The following PBX1 variants were observed in gnomAD, a reference collection of about 807,000 sequenced individuals.
PBX1 encodes PBX homeobox 1, also known as pre-B-cell leukemia transcription factor 1.
In PBX1, 6 loss-of-function variants were observed where a neutral mutation model predicts 53.4. The observed-to-expected ratio is 0.11, with a 90% CI of 0.06 to 0.22. The LOEUF is 0.22. Among genes scored for constraint, PBX1 ranks in the 10% least tolerant of loss-of-function variants. The pLI, the probability that PBX1 is intolerant of heterozygous loss-of-function variation, is 1.00. For synonymous variants in PBX1, 204 were observed against 212.3 expected (o/e 0.96, Z 0.34); for missense variants, 251 against 551.4 (o/e 0.46, Z 5.46).
intron 2 of PBX1, among the ~76,000 whole-genome samples, chr1:164,574,706 G>A (rs1276458911): frequency 6.6e-6 from 1 of 152,188 alleles, no homozygotes; most frequent in Non-Finnish European, 1.5e-5. Flanking sequence ...TTATTGCTGG[G>A]TGTGGTGGCT....
At chr1:164,587,869 C>A (rs1252551596) in intron 2 of PBX1, among the ~76,000 whole-genome samples, 1 of 152,190 alleles carries the variant, frequency 6.6e-6, no homozygotes, top group Admixed American at 6.5e-5. Flanking sequence ...CTCCCTGATC[C>A]TCCTTCTCAT....
intron 2 of PBX1, among the ~76,000 whole-genome samples, chr1:164,730,563 A>G (rs978297427): frequency 6.6e-6 from 1 of 152,018 alleles, no homozygotes; most frequent in Non-Finnish European, 1.5e-5. Flanking sequence ...AAGGTTCCAT[A>G]CTCCAGTCCC....
chr1:164,620,975 G>T (rs2792255), intron 2 of PBX1, among the ~76,000 whole-genome samples: 1 of 151,336 alleles, frequency 6.6e-6, no homozygotes, highest in South Asian at 2.1e-4. Context: ...GAGCCACTGC[G>T]CCCGGCATTA....
chr1:164,869,310 G>C (rs1376707690), intron 2 of PBX1, among the ~76,000 whole-genome samples: 1 of 152,174 alleles, frequency 6.6e-6, no homozygotes, highest in East Asian at 1.9e-4. Context: ...AGATCCATCT[G>C]CCTGTTTCTG....
At position 164,848,834 on chromosome 1, in the gene PBX1, G is replaced by C; in HGVS notation, c.*2158G>C. The C allele has an allele frequency of 9.4e-7, 1 of 1,064,526 alleles. No homozygotes were observed. Among genetic ancestry groups the C allele is most frequent in the Non-Finnish European group, 1.1e-6 (1 of 878,902 alleles). The allele number at this position is 1,064,526 out of a possible 1,614,324, so 65.9% of individuals were successfully genotyped here. On this transcript the variant is annotated 3_prime_UTR_variant, in exon 9 of 9. Transcript: ENST00000420696. ...TACAGTCATAAATAGAAAACACTGTGTGTGCTCAGGGGAGCAGGGGATGCC... is the reference window on the plus strand; with the variant it reads ...TACAGTCATAAATAGAAAACACTGTCTGTGCTCAGGGGAGCAGGGGATGCC...
chr1:164,692,351 T>C (rs137933355), intron 2 of PBX1, among the ~76,000 whole-genome samples: 1 of 152,166 alleles, frequency 6.6e-6, no homozygotes, highest in African/African-American at 2.4e-5. Context: ...ACTCAGCCCA[T>C]TGCCTTGAGT....
intron 2 of PBX1, among the ~76,000 whole-genome samples, chr1:164,709,719 G>A (rs1663643809): frequency 6.6e-6 from 1 of 152,168 alleles, no homozygotes; most frequent in Admixed American, 6.5e-5. Flanking sequence ...ATGAAAAAAA[G>A]AATTAAAACA....
chr1:164,620,872 AG>A (rs1657626724), intron 2 of PBX1, among the ~76,000 whole-genome samples: 1 of 151,914 alleles, frequency 6.6e-6, no homozygotes, highest in African/African-American at 2.4e-5. Context: ...GATTAGAAAC[AG>A]GGTTTCACTG....
chr1:164,614,106 A>C (rs1355766010), intron 2 of PBX1, among the ~76,000 whole-genome samples: 1 of 152,142 alleles, frequency 6.6e-6, no homozygotes, highest in Non-Finnish European at 1.5e-5. Flanking sequence ...GCCCAGAATC[A>C]CTCGGGAGGC....
At chr1:164,707,197 C>T (rs894434063) in intron 2 of PBX1, among the ~76,000 whole-genome samples, 5 of 152,140 alleles carry the variant, frequency 3.3e-5, no homozygotes, top group African/African-American at 4.8e-5. Context: ...TGGGAGGGAG[C>T]GTCTGTGACA....
intron 2 of PBX1, among the ~76,000 whole-genome samples, chr1:164,689,429 T>G (rs1332781721): frequency 2.0e-5 from 3 of 152,156 alleles, no homozygotes; most frequent in African/African-American, 7.2e-5. Flanking sequence ...TCCAAAGATA[T>G]TGATGAGCAT....
At chr1:164,830,230 T>A (rs1670686157) in intron 8 of PBX1, among the ~76,000 whole-genome samples, 1 of 152,198 alleles carries the variant, frequency 6.6e-6, no homozygotes, top group Non-Finnish European at 1.5e-5. Context: ...AATAATTTAC[T>A]AATCAACTAC....
At chr1:164,568,923 G>C (rs913601919) in intron 2 of PBX1, among the ~76,000 whole-genome samples, 1 of 152,188 alleles carries the variant, frequency 6.6e-6, no homozygotes, top group Non-Finnish European at 1.5e-5. Flanking sequence ...TGTCTTACCC[G>C]AAGGTCTTCT....
At chr1:164,702,153 C>T (rs1434205331) in intron 2 of PBX1, among the ~76,000 whole-genome samples, 1 of 151,724 alleles carries the variant, frequency 6.6e-6, no homozygotes, top group Admixed American at 6.6e-5. Context: ...GTGTGCCTTG[C>T]CCTGGCTGGC....
At chr1:164,878,581 T>C (rs1166086301) in intron 2 of PBX1, among the ~76,000 whole-genome samples, 1 of 152,156 alleles carries the variant, frequency 6.6e-6, no homozygotes, top group Non-Finnish European at 1.5e-5. Context: ...TGAGGCAGTC[T>C]GGCTCAAGGC....
intron 2 of PBX1, among the ~76,000 whole-genome samples, chr1:164,608,837 A>G (rs1331860122): frequency 6.6e-6 from 1 of 152,172 alleles, no homozygotes; most frequent in Non-Finnish European, 1.5e-5. Context: ...CAAGGTTGGT[A>G]GGAGGAAGAG....
intron 2 of PBX1, among the ~76,000 whole-genome samples, chr1:164,718,374 A>G (rs1664225002): frequency 2.0e-5 from 3 of 152,184 alleles, no homozygotes; most frequent in African/African-American, 7.2e-5. Flanking sequence ...TTCCAGTTGT[A>G]TCACATTTAG....
At chr1:164,664,808 C>T (rs1036284330) in intron 2 of PBX1, among the ~76,000 whole-genome samples, 5 of 152,124 alleles carry the variant, frequency 3.3e-5, no homozygotes, top group African/African-American at 9.7e-5. Context: ...GGGAACTCCC[C>T]GTTGTAATAC....
chr1:164,703,706 G>T (rs1393468497), intron 2 of PBX1, among the ~76,000 whole-genome samples: 1 of 152,154 alleles, frequency 6.6e-6, no homozygotes, highest in Non-Finnish European at 1.5e-5. Flanking sequence ...CATTTCTACT[G>T]GCTGGACTCC....
Sources: allele counts gnomAD v4.1 joint callset (sites outside exome capture counted in the v4.1 genomes callset), GRCh38; gene constraint gnomAD v4.1.1; transcripts MANE v1.5; gene names NCBI Gene and HGNC (gene_info 2026-07-23, HGNC 2026-07-21).